Variants in TBC1D16 observed in about 807,000 individuals in gnomAD.
The protein encoded by TBC1D16 is TBC1 domain family member 16.
TBC1D16 carries 58 observed loss-of-function variants against 74.7 expected under a neutral mutation model. The observed-to-expected ratio is 0.78, with a 90% CI of 0.63 to 0.97. TBC1D16 has a LOEUF of 0.97. Ranked by LOEUF, TBC1D16 falls within the 50% of genes least tolerant of loss-of-function variation. TBC1D16 has a pLI of 0.00. For synonymous variants in TBC1D16, 493 were observed against 474.7 expected (o/e 1.04, Z -0.50); for missense variants, 1,014 against 1,079.5 (o/e 0.94, Z 0.85).
At position 79,971,877 on chromosome 17, in the gene TBC1D16, G is replaced by T. The variant is rs2034119858; in HGVS notation, c.780-19059C>A. Among the ~76,000 whole-genome samples, 1 of 152,166 alleles carries T rather than the reference G, an allele frequency of 6.6e-6. No individual in the cohort carries two copies. Among genetic ancestry groups the T allele is most frequent in the South Asian group, 2.1e-4 (1 of 4,822 alleles). ...TCTCGGAGCAGGTGGCATGGGGGCTGGCTGTGGGGGTCTTTGTGGGGAAGA... is the reference window on the plus strand; with the variant it reads ...TCTCGGAGCAGGTGGCATGGGGGCTTGCTGTGGGGGTCTTTGTGGGGAAGA... On this transcript the variant is annotated intron_variant, in intron 3 of 11. Coordinates refer to ENST00000310924, the MANE Select transcript of TBC1D16 (RefSeq NM_019020.4). The surrounding 1 kb of genome is among the most constrained non-coding windows in gnomAD (Gnocchi z 4.6).
intron 3 of TBC1D16, among the ~76,000 whole-genome samples, chr17:79,977,537 G>C (rs891941151): frequency 1.3e-5 from 2 of 152,222 alleles, no homozygotes; most frequent in Admixed American, 1.3e-4. Flanking sequence ...CAGCAGGATG[G>C]GGGTGACGGA....
intron 1 of TBC1D16, among the ~76,000 whole-genome samples, chr17:80,016,644 CA>C (rs1162469261): frequency 6.6e-6 from 1 of 152,114 alleles, no homozygotes; most frequent in African/African-American, 2.4e-5. Flanking sequence ...ACTGGCTCAG[CA>C]GAACTGGCTC....
intron 1 of TBC1D16, among the ~76,000 whole-genome samples, chr17:80,016,369 C>G (rs905099195): frequency 3.9e-5 from 6 of 152,126 alleles, no homozygotes; most frequent in African/African-American, 1.4e-4. Context: ...TGATCGTACT[C>G]AATGCCGCTG....
intron 5 of TBC1D16, 49 bp downstream of exon 5, chr17:79,951,401 G>T (rs376378800): frequency 9.4e-6 from 15 of 1,594,946 alleles, no homozygotes; most frequent in African/African-American, 1.3e-5. Flanking sequence ...GCCCGTGGGG[G>T]GTGGGGAGTG....
chr17:80,028,730 T>A (rs183985731), intron 1 of TBC1D16, among the ~76,000 whole-genome samples: 1 of 151,018 alleles, frequency 6.6e-6, no homozygotes, highest in Admixed American at 6.6e-5. Flanking sequence ...TTCAAGCAAT[T>A]CTCCAGAGTA....
At chr17:80,030,721 C>T (rs1230235912) in intron 1 of TBC1D16, among the ~76,000 whole-genome samples, 1 of 152,234 alleles carries the variant, frequency 6.6e-6, no homozygotes, top group Non-Finnish European at 1.5e-5. Context: ...AGTTCCCACT[C>T]ACCAGAGGGA....
rs541875307 is a variant in TBC1D16, at chr17:79,936,696, C to G, written c.*4163G>C. ...CTTTCTAGTTTGGGGGCGGTTCCCT[C>G]TGACTGGAGACAGGACAGAATGCTT... On this transcript the variant is annotated 3_prime_UTR_variant, in exon 12 of 12. Coordinates refer to ENST00000310924, the MANE Select transcript of TBC1D16 (RefSeq NM_019020.4). 1 of 152,444 alleles carries G rather than the reference C, an allele frequency of 6.6e-6. No homozygotes were observed. The highest frequency in any genetic ancestry group is 2.1e-4 in the South Asian group (1 of 4,826). The allele number at this position is 152,444 out of a possible 1,614,324, so 9.4% of individuals were successfully genotyped here.
chr17:79,999,045 C>T (rs565023601), intron 3 of TBC1D16, among the ~76,000 whole-genome samples: 1 of 152,212 alleles, frequency 6.6e-6, no homozygotes, highest in South Asian at 2.1e-4. Flanking sequence ...TACCTGAGGT[C>T]AGGAATTTGA....
At chr17:80,024,370 CAGA>C (rs2036413441) in intron 1 of TBC1D16, among the ~76,000 whole-genome samples, 7 of 104,880 alleles carry the variant, frequency 6.7e-5, no homozygotes, top group Non-Finnish European at 1.2e-4. Context: ...ACACACACCA[CAGA>C]CACACACACC....
rs780104887 is a variant in TBC1D16 at position 79,952,783 on chromosome 17, G to A, written c.815C>T (p.Pro272Leu). 9.3e-6 allele frequency: 15 copies of A among 1,611,274 alleles called. No homozygotes were observed. In the East Asian group the frequency reaches 1.8e-4, roughly 19 times the overall value. ...GGTCTGCAGGAGGCCGTTGCTGTCC[G>A]GGAACCGCAGGCCGGCGTCGGAGCT... ...PSSSDAGLRF[P>L]DSNGLLQTPR... The change falls in exon 4 of 12, where the codon CCG (proline) becomes CTG (leucine). Residue 272 changes from proline to leucine, a missense_variant. Coordinates refer to ENST00000310924, the MANE Select transcript of TBC1D16 (RefSeq NM_019020.4).
chr17:80,003,038 C>A (rs1260086863), intron 3 of TBC1D16, among the ~76,000 whole-genome samples: 1 of 152,244 alleles, frequency 6.6e-6, no homozygotes, highest in East Asian at 1.9e-4. Flanking sequence ...GAGAGGAGAA[C>A]ATTCCAGCTG....
rs1384966366 is a variant in TBC1D16 at position 79,935,806 on chromosome 17, AGTAATCTATTG to A, written c.*5042_*5052del. ...GAACAGATCACTTGCCATGGACATCAGTAATCTATTGGTAATGGTGGAAATTTCATGAAAAT... is the reference window on the plus strand; with the variant it reads ...GAACAGATCACTTGCCATGGACATCAGTAATGGTGGAAATTTCATGAAAAT... On this transcript the variant is annotated 3_prime_UTR_variant, in exon 12 of 12. Coordinates refer to ENST00000310924, the MANE Select transcript of TBC1D16 (RefSeq NM_019020.4). 3.3e-5 allele frequency: 5 copies of A among 152,250 alleles called. No individual in the cohort carries two copies. Among genetic ancestry groups the A allele is most frequent in the Non-Finnish European group, 7.3e-5 (5 of 68,054 alleles). 9.4% of individuals were successfully genotyped at this position (152,250 alleles called of 1,614,324 possible).
chr17:80,015,099 C>A (rs964085738), intron 1 of TBC1D16, among the ~76,000 whole-genome samples: 2 of 152,164 alleles, frequency 1.3e-5, no homozygotes, highest in African/African-American at 4.8e-5. Context: ...CACAAACACA[C>A]ACACCAAGCC....
rs1361072991 is a variant in TBC1D16 at position 79,954,826 on chromosome 17, A to C, written c.780-2008T>G. On this transcript the variant is annotated intron_variant, in intron 3 of 11. Coordinates refer to ENST00000310924, the MANE Select transcript of TBC1D16 (RefSeq NM_019020.4). This position sits in a 1 kb window ranked among gnomAD's most constrained non-coding sequence, Gnocchi z 5.5. The stretch of plus-strand genomic sequence containing the variant: ...TCCCGCCTCCTCCCCCAGCCTTCTT[A>C]CCACACCCAACAGCAGAATCCCCCA... Among the ~76,000 whole-genome samples the C allele has an allele frequency of 6.6e-6, 1 of 151,492 alleles. No homozygotes were observed. Among genetic ancestry groups the C allele is most frequent in the Non-Finnish European group, 1.5e-5 (1 of 67,832 alleles).
Position 79,948,880 on chromosome 17 carries a change from C to G in TBC1D16, c.1533G>C (p.Glu511Asp). 1 of 1,614,116 alleles carries G rather than the reference C, an allele frequency of 6.2e-7. No homozygotes were observed. The highest frequency in any genetic ancestry group is 8.5e-7 in the Non-Finnish European group (1 of 1,180,006). Residue 511 changes from glutamate (E) to aspartate (D), a missense_variant, in exon 8 of 12, where the codon GAG becomes GAC. Glu to Asp is a conservative substitution (Grantham distance 45). Transcript: ENST00000310924. ...GGCTGGGGAGGGAGTACCTCATGCT[C>G]TCCACATTGGGATTGTCTTCCCCCC... is the stretch of plus-strand genomic sequence containing the variant. ...FFRGEDNPNV[E>D]SMRRILLNYA...
In TBC1D16 at chr17:79,985,440, G is replaced by C. The variant is rs1212676941; in HGVS notation, c.779+24720C>G. Among the ~76,000 whole-genome samples the C allele has an allele frequency of 1.3e-5, 2 of 152,212 alleles. No individual in the cohort carries two copies. Among genetic ancestry groups the C allele is most frequent in the Non-Finnish European group, 2.9e-5 (2 of 68,040 alleles). On this transcript the variant is annotated intron_variant, in intron 3 of 11. Transcript: ENST00000310924. This position sits in a 1 kb window ranked among gnomAD's most constrained non-coding sequence, Gnocchi z 4.9. The stretch of plus-strand genomic sequence containing the variant: ...CACAGTTCCCCGAAACTGAAGACGT[G>C]TTTACTCACTTTTTTTGGACAGGGA...
chr17:79,978,654 C>T (rs1215300758), intron 3 of TBC1D16, among the ~76,000 whole-genome samples: 3 of 152,186 alleles, frequency 2.0e-5, no homozygotes, highest in South Asian at 4.1e-4. Flanking sequence ...CCGTGGGTCC[C>T]GTGCATTTAC....
intron 5 of TBC1D16, 96 bp downstream of exon 5, chr17:79,951,354 C>T (rs576778661): frequency 1.0e-4 from 153 of 1,470,894 alleles, no homozygotes; most frequent in African/African-American, 5.8e-4. Context: ...CCCCGGGGCC[C>T]GGGGACCCCA....
intron 3 of TBC1D16, among the ~76,000 whole-genome samples, chr17:80,005,249 ATT>A (rs891394385): frequency 6.6e-6 from 1 of 151,456 alleles, no homozygotes; most frequent in Non-Finnish European, 1.5e-5. Context: ...CACCCAGCTA[ATT>A]TTTTTTTCTT....
Sources: allele counts gnomAD v4.1 joint callset (sites outside exome capture counted in the v4.1 genomes callset), GRCh38; gene constraint gnomAD v4.1.1; non-coding constraint Gnocchi (gnomAD v3.1); transcripts MANE v1.5; gene names NCBI Gene and HGNC (gene_info 2026-07-23, HGNC 2026-07-21).